CLXN: variants seen among roughly 807,000 people sequenced by gnomAD.
The protein encoded by CLXN is EF-hand calcium binding domain 1.
the CLXN span, chr8:48,712,206 C>T: frequency 6.6e-6 from 1 of 152,224 alleles, no homozygotes. Context: ...CTGCTTACTT[C>T]CACACTGTTC....
chr8:48,727,718 G>A, the CLXN span, among the ~76,000 whole-genome samples: 1 of 152,156 alleles, frequency 6.6e-6, no homozygotes, highest in Non-Finnish European at 1.5e-5. Flanking sequence ...GGGCCTGGCA[G>A]CATTTGCATT....
At chr8:48,717,348 C>T in the CLXN span, among the ~76,000 whole-genome samples, 1 of 152,094 alleles carries the variant, frequency 6.6e-6, no homozygotes, top group African/African-American at 2.4e-5. Context: ...TCAGCAAAAA[C>T]CCTGTAGACC....
At chr8:48,730,114 A>C in the CLXN span, 1 of 375,696 alleles carries the variant, frequency 2.7e-6, no homozygotes, top group Non-Finnish European at 4.8e-6. Context: ...TTCACCTTGA[A>C]ACTCTTGGAA....
chr8:48,726,320 C>T, the CLXN span, among the ~76,000 whole-genome samples: 1 of 150,268 alleles, frequency 6.7e-6, no homozygotes, highest in Non-Finnish European at 1.5e-5. Context: ...TGTACCTACA[C>T]AGCCATTCAC....
At chr8:48,729,594 G>T in the CLXN span, 1 of 885,874 alleles carries the variant, frequency 1.1e-6, no homozygotes, top group Non-Finnish European at 1.7e-6. Context: ...ATATGTTGAG[G>T]AGCATAATTT....
At chr8:48,716,590 C>G in the CLXN span, 1 of 152,184 alleles carries the variant, frequency 6.6e-6, no homozygotes, top group South Asian at 2.1e-4. Flanking sequence ...GTGAACAAAA[C>G]TAGAAGTTCA....
the CLXN span, among the ~76,000 whole-genome samples, chr8:48,718,864 T>TA: frequency 1.8e-4 from 28 of 151,614 alleles, no homozygotes; most frequent in African/African-American, 5.3e-4. Context: ...AGATCTCAGG[T>TA]AAAAAAACCT....
the CLXN span, among the ~76,000 whole-genome samples, chr8:48,713,350 A>G: frequency 6.6e-6 from 1 of 152,128 alleles, no homozygotes; most frequent in Non-Finnish European, 1.5e-5. Context: ...CCTTGGTTGC[A>G]CTTGATGAGA....
chr8:48,724,786 C>T, the CLXN span: 11 of 1,611,728 alleles, frequency 6.8e-6, no homozygotes, highest in Non-Finnish European at 9.3e-6. Flanking sequence ...ACTTGAGCTT[C>T]AAATTCCATC....
chr8:48,729,985 G>T, the CLXN span: 1 of 924,500 alleles, frequency 1.1e-6, no homozygotes, highest in Non-Finnish European at 1.6e-6. Context: ...AGGTCTTAGT[G>T]CAGCCTGATT....
the CLXN span, among the ~76,000 whole-genome samples, chr8:48,722,938 A>AG: frequency 6.6e-6 from 1 of 152,206 alleles, no homozygotes; most frequent in Non-Finnish European, 1.5e-5. Context: ...GGGACCTAAA[A>AG]GGGAAAAACT....
At chr8:48,721,559 A>C in the CLXN span, among the ~76,000 whole-genome samples, 1 of 152,350 alleles carries the variant, frequency 6.6e-6, no homozygotes, top group Non-Finnish European at 1.5e-5. Context: ...TTCAAAATAC[A>C]GTGCTTTAGT....
At chr8:48,715,928 A>AC in the CLXN span, 12 of 152,396 alleles carry the variant, frequency 7.9e-5, 1 homozygote, top group African/African-American at 2.9e-4. Flanking sequence ...AAGAATTCAA[A>AC]ATGATTGGTT....
the CLXN span, chr8:48,715,745 T>C: frequency 2.6e-5 from 4 of 152,140 alleles, no homozygotes; most frequent in African/African-American, 9.7e-5. Flanking sequence ...CACCCACCAA[T>C]AGGTGAAGGT....
the CLXN span, among the ~76,000 whole-genome samples, chr8:48,730,887 CATT>C: frequency 6.6e-6 from 1 of 152,064 alleles, no homozygotes; most frequent in South Asian, 2.1e-4. Flanking sequence ...GTATATTAAT[CATT>C]ATTTAATAAT....
chr8:48,726,995 T>TCATC, the CLXN span, among the ~76,000 whole-genome samples: 7,106 of 124,268 alleles, frequency 0.057, 211 homozygotes, highest in South Asian at 0.15. Flanking sequence ...ATCCATCCAC[T>TCATC]CATCCATCCA....
the CLXN span, among the ~76,000 whole-genome samples, chr8:48,726,744 C>CCCAT: frequency 1.4e-5 from 2 of 144,858 alleles, no homozygotes; most frequent in Non-Finnish European, 3.0e-5. Context: ...ACTCACCTCA[C>CCCAT]CCATCCATCC....
At chr8:48,726,819 C>A in the CLXN span, among the ~76,000 whole-genome samples, 80 of 151,298 alleles carry the variant, frequency 5.3e-4, 1 homozygote, top group African/African-American at 1.9e-3. Context: ...TCCATCCATC[C>A]ATCCATCCAT....
the CLXN span, chr8:48,731,633 C>T: frequency 1.4e-6 from 1 of 690,376 alleles, no homozygotes; most frequent in Non-Finnish European, 2.2e-6. Context: ...GAAGACTCTC[C>T]TGTTTTGAGA....
Sources: allele counts gnomAD v4.1 joint callset (sites outside exome capture counted in the v4.1 genomes callset), GRCh38; gene constraint gnomAD v4.1.1; transcripts MANE v1.5; gene names NCBI Gene and HGNC (gene_info 2026-07-23, HGNC 2026-07-21).